The following TUT4 variants were observed in gnomAD, a reference collection of about 807,000 sequenced individuals.
TUT4 encodes the protein terminal uridylyl transferase 4.
TUT4 carries 36 observed loss-of-function variants against 192.2 expected under a neutral mutation model. The observed-to-expected ratio is 0.19, with a 90% confidence interval of 0.14 to 0.25. The LOEUF is 0.25. TUT4 is among the 10% of genes least tolerant of loss of function. The pLI is 1.00. For synonymous variants in TUT4, 618 were observed against 666.0 expected (o/e 0.93, Z 1.11); for missense variants, 1,493 against 1,957.2 (o/e 0.76, Z 4.47).
chr1:52,461,076 G>C (rs1276074457), intron 19 of TUT4, 58 bp downstream of exon 19: 2 of 1,402,136 alleles, frequency 1.4e-6, no homozygotes, highest in African/African-American at 1.4e-5. Context: ...TCTGACATTA[G>C]TTATGTTTCA....
In TUT4 at chr1:52,424,016, CACAG is replaced by C. The variant is rs765654131; in HGVS notation, c.4871-18_4871-15del. 2 of 1,603,966 alleles carry C rather than the reference CACAG, an allele frequency of 1.2e-6. No individual in the cohort carries two copies. Among genetic ancestry groups the C allele is most frequent in the Non-Finnish European group, 1.7e-6 (2 of 1,175,168 alleles). On this transcript the variant is annotated splice_polypyrimidine_tract_variant and intron_variant, in intron 29 of 29. Coordinates refer to ENST00000257177, the MANE Select transcript of TUT4 (RefSeq NM_001009881.3). ...TGGCACATCTGTCTGTTGGATACAA[CACAG>C]ACAGGAAACTGAAAGGCTTGTGCCT...
chr1:52,471,876 T>G (rs1359432211), intron 14 of TUT4, 76 bp downstream of exon 14: 3 of 1,461,022 alleles, frequency 2.1e-6, no homozygotes, highest in Middle Eastern at 2.4e-4. Flanking sequence ...AAACAAACTG[T>G]TTTTAAATCA....
chr1:52,492,437 A>G (rs554401347), intron 7 of TUT4, among the ~76,000 whole-genome samples: 56 of 152,360 alleles, frequency 3.7e-4, no homozygotes, highest in African/African-American at 1.2e-3. Flanking sequence ...CAAAAACGTA[A>G]TAAGAAGTTA....
intron 4 of TUT4, among the ~76,000 whole-genome samples, chr1:52,506,328 T>C (rs1216466810): frequency 6.6e-6 from 1 of 152,230 alleles, no homozygotes; most frequent in Non-Finnish European, 1.5e-5. Flanking sequence ...AGAATAAAGT[T>C]TTCCTTTATT....
In TUT4 at chr1:52,425,478, T is replaced by C. The variant is rs1279122267; in HGVS notation, c.4741A>G (p.Ile1581Val). 1 of 1,613,790 alleles carries C rather than the reference T, an allele frequency of 6.2e-7. No individual in the cohort carries two copies. The highest frequency in any genetic ancestry group is 8.5e-7 in the Non-Finnish European group (1 of 1,179,820). Residue 1581 changes from isoleucine (I) to valine (V), a missense_variant, in exon 29 of 30, where the codon ATT (isoleucine) becomes GTT (valine). This residue lies in a region of TUT4 where 351 missense variants were observed against 397.8 expected (regional missense o/e 0.88). Transcript: ENST00000257177. ...GGACGCGGTGCATGTTCCCAAGGAA[T>C]TGGAGGAGTCAGTCCTCGAAAGCCT... The part of the protein sequence containing the change: ...EPGFRGLTPP[I>V]PWEHAPRPHF...
At position 52,508,224 on chromosome 1, in the gene TUT4, G is replaced by T. The variant is rs540015739; in HGVS notation, c.999+1372C>A. 3.3e-5 allele frequency among the ~76,000 whole-genome samples: 5 copies of T among 151,892 alleles called. No homozygotes were observed. The South Asian group carries it at 1.0e-3, about 32-fold the overall frequency. ...TGCCTGTAATCCTAGCTACCTGGGA[G>T]GCTGAGGCAGGGTAATCGCTTAAAC... On this transcript the variant is annotated intron_variant, in intron 4 of 29. Coordinates refer to ENST00000257177, the MANE Select transcript of TUT4 (RefSeq NM_001009881.3).
At chr1:52,432,110 GGAAAAAATTCATGTATA>G (rs1490625717) in intron 27 of TUT4, 1 of 152,052 alleles carries the variant, frequency 6.6e-6, no homozygotes, top group Non-Finnish European at 1.5e-5. Flanking sequence ...ACAATCTGTT[GGAAAAAATTCATGTATA>G]AGTAGACTCA....
chr1:52,537,689 G>C (rs543964904), intron 1 of TUT4, among the ~76,000 whole-genome samples: 6 of 152,300 alleles, frequency 3.9e-5, no homozygotes, highest in Admixed American at 6.5e-5. Context: ...AGGGCAGGTG[G>C]ATCACCTGAG....
chr1:52,429,806 C>G (rs987448939), intron 28 of TUT4, among the ~76,000 whole-genome samples: 1 of 151,964 alleles, frequency 6.6e-6, no homozygotes, highest in Non-Finnish European at 1.5e-5. Context: ...GCTGGCCAGC[C>G]TGGTCTTAAA....
intron 9 of TUT4, among the ~76,000 whole-genome samples, chr1:52,486,054 T>C (rs948815622): frequency 6.6e-6 from 1 of 152,090 alleles, no homozygotes; most frequent in African/African-American, 2.4e-5. Context: ...GAATAAACTC[T>C]CACTTATCCA....
chr1:52,505,606 G>A (rs1036010940), intron 4 of TUT4, among the ~76,000 whole-genome samples: 1 of 151,810 alleles, frequency 6.6e-6, no homozygotes, highest in African/African-American at 2.4e-5. Context: ...ATTTTTAGTG[G>A]AGAGGGGGTT....
chr1:52,448,655 G>C (rs973114724), intron 20 of TUT4, among the ~76,000 whole-genome samples: 1 of 150,412 alleles, frequency 6.6e-6, no homozygotes, highest in Non-Finnish European at 1.5e-5. Context: ...AAAGACATAG[G>C]ATTTCTGACC....
At chr1:52,494,282 T>TGTTGAGATA (rs1252187296) in intron 6 of TUT4, among the ~76,000 whole-genome samples, 1 of 152,078 alleles carries the variant, frequency 6.6e-6, no homozygotes, top group African/African-American at 2.4e-5. Context: ...AAAAACAAAT[T>TGTTGAGATA]GTTGAGATAA....
At position 52,474,956 on chromosome 1, in the gene TUT4, T is replaced by A; in HGVS notation, c.2603A>T (p.Asp868Val). ...TESSHQSVCTDTSATSCNCKA... is the reference protein window; with the variant it reads ...TESSHQSVCTVTSATSCNCKA... ...GCAGTTGCAAGAGGTAGCAGATGTG[T>A]CGGTGCACACACTCTGATGTGAACT... Residue 868 changes from aspartate to valine, a missense_variant, in exon 13 of 30, where the codon GAC (aspartate) becomes GTC (valine). Physicochemically the swap from Asp to Val is radical, Grantham distance 152 (BLOSUM62 -3). This residue lies in a region of TUT4 where 245 missense variants were observed against 218.4 expected (regional missense o/e 1.12). Coordinates refer to ENST00000257177, the MANE Select transcript of TUT4 (RefSeq NM_001009881.3). The A allele has an allele frequency of 6.2e-7, 1 of 1,614,186 alleles. No homozygotes were observed. Among genetic ancestry groups the A allele is most frequent in the South Asian group, 1.1e-5 (1 of 91,088 alleles).
chr1:52,524,827 T>G (rs1415260011), intron 2 of TUT4, among the ~76,000 whole-genome samples: 1 of 151,918 alleles, frequency 6.6e-6, no homozygotes, highest in African/African-American at 2.4e-5. Flanking sequence ...AAAAAAAAAT[T>G]CTTCAATGGC....
At chr1:52,545,976 A>G (rs1687983322) in intron 1 of TUT4, among the ~76,000 whole-genome samples, 2 of 150,602 alleles carry the variant, frequency 1.3e-5, no homozygotes, top group Admixed American at 1.3e-4. Flanking sequence ...CAAAAAAAAA[A>G]AAAAAAAAAA....
At chr1:52,453,610 C>T (rs1353685862) in intron 20 of TUT4, among the ~76,000 whole-genome samples, 1 of 151,646 alleles carries the variant, frequency 6.6e-6, no homozygotes, top group East Asian at 1.9e-4. Flanking sequence ...AATCCTACAG[C>T]TAACATCATA....
chr1:52,452,527 T>C (rs577387171), intron 20 of TUT4, among the ~76,000 whole-genome samples: 2 of 152,304 alleles, frequency 1.3e-5, no homozygotes, highest in Admixed American at 6.5e-5. Context: ...AAAGGTTAAG[T>C]TGATCACCAA....
In TUT4 at chr1:52,441,533, T is replaced by C. The variant is rs1343723584; in HGVS notation, c.3823-3198A>G. On this transcript the variant is annotated intron_variant, in intron 24 of 29. Coordinates refer to ENST00000257177, the MANE Select transcript of TUT4 (RefSeq NM_001009881.3). ...TGGTCTCCAACTCCTGACCTTGTGA[T>C]CTGCCTGCCTCAGCCTCCCAAAGTG... is the stretch of plus-strand genomic sequence containing the variant. Among the ~76,000 whole-genome samples, 3 of 150,344 alleles carry C rather than the reference T, an allele frequency of 2.0e-5. No homozygotes were observed. In the Admixed American group the frequency reaches 2.0e-4, roughly 10 times the overall value.
Sources: allele counts gnomAD v4.1 joint callset (sites outside exome capture counted in the v4.1 genomes callset), GRCh38; gene constraint gnomAD v4.1.1; regional missense constraint gnomAD v4.1.1; transcripts MANE v1.5; gene names NCBI Gene and HGNC (gene_info 2026-07-23, HGNC 2026-07-21).